The following SPPL2C variants were observed in gnomAD, a reference collection of about 807,000 sequenced individuals.
The protein encoded by SPPL2C is signal peptide peptidase-like 2C.
Under a neutral mutation model 38.8 loss-of-function variants are expected in SPPL2C, and 33 were observed. The observed-to-expected ratio is 0.85, with a 90% CI of 0.64 to 1.14. The LOEUF is 1.14. SPPL2C is among the 50% of genes most tolerant of loss of function. The probability of loss-of-function intolerance (pLI) is 0.00; values close to 1 mark genes in which losing one functional copy is unlikely to be tolerated. For missense variants in SPPL2C, 899 were observed against 904.4 expected, an observed-to-expected ratio of 0.99 and a Z score of 0.08; for synonymous variants, 384 against 390.7, an observed-to-expected ratio of 0.98 and a Z score of 0.20.
chr17:45,845,191 G>C lies in SPPL2C; in HGVS notation c.285G>C (p.Met95Ile), dbSNP rs1597745322. Residue 95 changes from methionine to isoleucine, a missense_variant, in exon 1 of 1, where the codon ATG becomes ATC. Physicochemically the swap from Met to Ile is conservative, Grantham distance 10. Coordinates refer to ENST00000329196, the MANE Select transcript of SPPL2C (RefSeq NM_175882.3). ...SQRPLRQTTA[M>I]VMRGNCSFHT... ...GGCCCCTCCGCCAGACCACTGCCAT[G>C]GTCATGAGGGGTAACTGCAGCTTCC... 1 of 1,613,618 alleles carries C rather than the reference G, an allele frequency of 6.2e-7. No individual in the cohort carries two copies. Among genetic ancestry groups the C allele is most frequent in the East Asian group, 2.2e-5 (1 of 44,848 alleles).
Position 45,845,869 on chromosome 17 carries a change from G to A in SPPL2C, c.963G>A (p.Pro321=), listed in dbSNP as rs140813443. The A allele has an allele frequency of 7.0e-5, 112 of 1,605,430 alleles. No homozygotes were observed. Among genetic ancestry groups the A allele is most frequent in the African/African-American group, 3.6e-4 (27 of 75,046 alleles). ...RPPHSLWASL[P]LPLLLLASLC... The stretch of plus-strand genomic sequence containing the variant: ...CGCACAGCCTCTGGGCCTCTCTGCC[G>A]CTGCCTCTGCTGCTGCTGGCGAGCC... Residue 321 remains proline, a synonymous_variant, in exon 1 of 1, where the codon CCG becomes CCA. Coordinates refer to ENST00000329196, the MANE Select transcript of SPPL2C (RefSeq NM_175882.3).
chr17:45,845,045 A>C lies in SPPL2C; in HGVS notation c.139A>C (p.Ile47Leu). 1 of 1,613,970 alleles carries C rather than the reference A, an allele frequency of 6.2e-7. No homozygotes were observed. Among genetic ancestry groups the C allele is most frequent in the Non-Finnish European group, 8.5e-7 (1 of 1,179,958 alleles). ...DYCILFSSDY[I>L]TLPRDLHHAP... ...CTGTATCCTGTTCAGCTCCGACTACATCACCCTCCCCCGGGACCTGCACCA... is the reference window on the plus strand; with the variant it reads ...CTGTATCCTGTTCAGCTCCGACTACCTCACCCTCCCCCGGGACCTGCACCA... Residue 47 changes from isoleucine (I) to leucine (L), a missense_variant, in exon 1 of 1, where the codon ATC (isoleucine) becomes CTC (leucine). By Grantham distance (5) the Ile-to-Leu change is conservative (BLOSUM62 2). Coordinates refer to ENST00000329196, the MANE Select transcript of SPPL2C (RefSeq NM_175882.3).
rs1303662594 is a variant in SPPL2C, at chr17:45,846,909, A to G, written c.2003A>G (p.Lys668Arg). Residue 668 changes from lysine to arginine, a missense_variant, in exon 1 of 1, where the codon AAG (lysine) becomes AGG (arginine). Physicochemically the swap from Lys to Arg is conservative, Grantham distance 26 (BLOSUM62 2). Coordinates refer to ENST00000329196, the MANE Select transcript of SPPL2C (RefSeq NM_175882.3). ...GGCCTGCCCTGGGCGGGACTCCACA[A>G]GAGGAAGGGTTTGAAAGTAAGAAAG... ...ETGLPWAGLH[K>R]RKGLKVRKSM... The G allele has an allele frequency of 6.3e-7, 1 of 1,593,964 alleles. No individual in the cohort carries two copies. Among genetic ancestry groups the G allele is most frequent in the South Asian group, 1.1e-5 (1 of 90,360 alleles).
rs200455227 is a variant in SPPL2C, at chr17:45,846,877, C to T, written c.1971C>T (p.His657=). 32 of 1,610,954 alleles carry T rather than the reference C, an allele frequency of 2.0e-5. No homozygotes were observed. The highest frequency in any genetic ancestry group is 5.0e-5 in the Admixed American group (3 of 59,956). The change falls in exon 1 of 1, where the codon CAC becomes CAT. Residue 657 remains histidine, a synonymous_variant. Coordinates refer to ENST00000329196, the MANE Select transcript of SPPL2C (RefSeq NM_175882.3). ...ATGTCCATGCCCAGGCCCAGGCCCA[C>T]GAGACTGGCCTGCCCTGGGCGGGAC... The part of the protein sequence containing the change: ...LGHVHAQAQA[H]ETGLPWAGLH...
chr17:45,846,954 C>G lies in SPPL2C; in HGVS notation c.2048C>G (p.Pro683Arg), dbSNP rs887550579. The change falls in exon 1 of 1, where the codon CCC (proline) becomes CGC (arginine). Residue 683 changes from proline to arginine, a missense_variant. Physicochemically the swap from Pro to Arg is moderately radical, Grantham distance 103. Transcript: ENST00000329196. ...KVRKSMSTQA[P>R]L ...AGAAAGAGCATGTCGACCCAGGCTC[C>G]CTTGTGAACTGGAGGCACTGGGACA... The G allele has an allele frequency of 6.4e-7, 1 of 1,560,240 alleles. No homozygotes were observed. The highest frequency in any genetic ancestry group is 1.4e-5 in the African/African-American group (1 of 73,708).
chr17:45,845,265 T>G lies in SPPL2C; in HGVS notation c.359T>G (p.Ile120Ser). The G allele has an allele frequency of 6.2e-7, 1 of 1,613,844 alleles. No individual in the cohort carries two copies. The change falls in exon 1 of 1, where the codon ATC becomes AGC. Residue 120 changes from isoleucine to serine, a missense_variant. By Grantham distance (142) the Ile-to-Ser change is moderately radical (BLOSUM62 -2). Transcript: ENST00000329196. The stretch of plus-strand genomic sequence containing the variant: ...GGCCAAGGTGCCCACGGGCTGCTCA[T>G]CGTGAGCCGGGTCAGTGACCAACAG... ...AQGQGAHGLL[I>S]VSRVSDQQCS...
chr17:45,845,793 GCCTGTCA>G lies in SPPL2C; in HGVS notation c.890_896del (p.Leu297ProfsTer36), dbSNP rs2062537102. On this transcript the variant is annotated frameshift_variant, in exon 1 of 1. Coordinates refer to ENST00000329196, the MANE Select transcript of SPPL2C (RefSeq NM_175882.3). LOFTEE classifies it high-confidence loss of function. ...GGTGCTGGCATTGGCCTCTACAGCT[GCCTGTCA>G]CCCCTGGTGTGCCGCCTGTCCCTGC... 2 of 1,609,932 alleles carry G rather than the reference GCCTGTCA, an allele frequency of 1.2e-6. No homozygotes were observed. Among genetic ancestry groups the G allele is most frequent in the Non-Finnish European group, 1.7e-6 (2 of 1,179,968 alleles).
rs769040377 is a variant in SPPL2C at position 45,845,804 on chromosome 17, CT to C, written c.899del (p.Leu300ArgfsTer35). On this transcript the variant is annotated frameshift_variant, in exon 1 of 1. Transcript: ENST00000329196. LOFTEE classifies it high-confidence loss of function. ...TGGCCTCTACAGCTGCCTGTCACCC[CT>C]GGTGTGCCGCCTGTCCCTGCGGCAA... ...GIGLYSCLSP[L>X]VCRLSLRQYQ... The C allele has an allele frequency of 3.1e-6, 5 of 1,609,336 alleles. No individual in the cohort carries two copies. The highest frequency in any genetic ancestry group is 4.2e-6 in the Non-Finnish European group (5 of 1,179,968).
At position 45,845,223 on chromosome 17, in the gene SPPL2C, A is replaced by T; in HGVS notation, c.317A>T (p.Lys106Ile). 1 of 1,613,804 alleles carries T rather than the reference A, an allele frequency of 6.2e-7. No individual in the cohort carries two copies. Among genetic ancestry groups the T allele is most frequent in the Non-Finnish European group, 8.5e-7 (1 of 1,179,878 alleles). The change falls in exon 1 of 1, where the codon AAA becomes ATA. Residue 106 changes from lysine to isoleucine, a missense_variant. Transcript: ENST00000329196. ...AGGGGTAACTGCAGCTTCCACACGA[A>T]AGGCTGGCTGGCTCAGGGCCAAGGT... ...VMRGNCSFHT[K>I]GWLAQGQGAH... is the part of the protein sequence containing the mutation.
chr17:45,844,990 C>G lies in SPPL2C; in HGVS notation c.84C>G (p.His28Gln). ...TVAGGKYGVAHVVSENWSKDY... is the reference protein window; with the variant it reads ...TVAGGKYGVAQVVSENWSKDY... The stretch of plus-strand genomic sequence containing the variant: ...CCGGGGGAAAGTACGGCGTGGCCCA[C>G]GTGGTGTCGGAGAATTGGAGCAAGG... Residue 28 changes from histidine to glutamine, a missense_variant, in exon 1 of 1, where the codon CAC (histidine) becomes CAG (glutamine). Physicochemically the swap from His to Gln is conservative, Grantham distance 24. Transcript: ENST00000329196. 6.2e-7 allele frequency: 1 copy of G among 1,614,136 alleles called. No individual in the cohort carries two copies. Among genetic ancestry groups the G allele is most frequent in the Non-Finnish European group, 8.5e-7 (1 of 1,179,990 alleles).
In SPPL2C at chr17:45,847,007, T is replaced by C. The variant is rs756531979; in HGVS notation, c.*46T>C. On this transcript the variant is annotated 3_prime_UTR_variant, in exon 1 of 1. Transcript: ENST00000329196. The stretch of plus-strand genomic sequence containing the variant: ...CGCCTCTCAAAGGGCTGGTGGAACA[T>C]TGCAGAGCAAAGCCATGCATGGCAA... 9 of 1,499,684 alleles carry C rather than the reference T, an allele frequency of 6.0e-6. No homozygotes were observed. Among genetic ancestry groups the C allele is most frequent in the South Asian group, 5.3e-5 (4 of 76,068 alleles). 92.9% of individuals were successfully genotyped at this position (1,499,684 alleles called of 1,614,324 possible).
In SPPL2C at chr17:45,846,217, C is replaced by G. The variant is rs368399752; in HGVS notation, c.1311C>G (p.Cys437Trp). Residue 437 changes from cysteine to tryptophan, a missense_variant, in exon 1 of 1, where the codon TGC becomes TGG. Physicochemically the swap from Cys to Trp is radical, Grantham distance 215. Transcript: ENST00000329196. The part of the protein sequence containing the change: ...PRLRVSALTL[C>W]SQPFSILGFG... ...TAAGAGTCTCCGCCTTGACCCTGTG[C>G]AGCCAGCCCTTCTCCATCCTTGGCT... 2 of 1,614,202 alleles carry G rather than the reference C, an allele frequency of 1.2e-6. No individual in the cohort carries two copies. The highest frequency in any genetic ancestry group is 1.7e-6 in the Non-Finnish European group (2 of 1,180,032).
chr17:45,845,553 G>T lies in SPPL2C; in HGVS notation c.647G>T (p.Arg216Leu), dbSNP rs199509707. Residue 216 changes from arginine to leucine, a missense_variant, in exon 1 of 1, where the codon CGC becomes CTC. By Grantham distance (102) the Arg-to-Leu change is moderately radical (BLOSUM62 -2). Coordinates refer to ENST00000329196, the MANE Select transcript of SPPL2C (RefSeq NM_175882.3). ...ACCGAAGCCAACCGGCTACAGCGGC[G>T]CCGTGCCCGAAGAGGAGGGGGGTCT... is the stretch of plus-strand genomic sequence containing the variant. ...GLTEANRLQR[R>L]RARRGGGSGG... The T allele has an allele frequency of 1.2e-6, 2 of 1,601,484 alleles. No homozygotes were observed. The highest frequency in any genetic ancestry group is 1.7e-5 in the Admixed American group (1 of 59,806).
chr17:45,846,311 C>T lies in SPPL2C; in HGVS notation c.1405C>T (p.Arg469Cys), dbSNP rs377555062. 1.2e-6 allele frequency: 2 copies of T among 1,614,098 alleles called. No homozygotes were observed. The highest frequency in any genetic ancestry group is 1.7e-6 in the Non-Finnish European group (2 of 1,180,020). ...CCGCTTTGATGTGCAAGTCTGCTCCCGTCAGATCTACTTCGTGGCCTGCAC... is the reference window on the plus strand; with the variant it reads ...CCGCTTTGATGTGCAAGTCTGCTCCTGTCAGATCTACTTCGTGGCCTGCAC... ...CCRFDVQVCS[R>C]QIYFVACTVA... The change falls in exon 1 of 1, where the codon CGT becomes TGT. Residue 469 changes from arginine to cysteine, a missense_variant. Physicochemically the swap from Arg to Cys is radical, Grantham distance 180. Transcript: ENST00000329196.
Position 45,845,755 on chromosome 17 carries a change from G to A in SPPL2C, c.849G>A (p.Gly283=). 6.2e-7 allele frequency: 1 copy of A among 1,612,716 alleles called. No homozygotes were observed. The highest frequency in any genetic ancestry group is 2.2e-5 in the East Asian group (1 of 44,884). ...FYDHFVYVTI[G]IFGLGAGIGL... Reference sequence around the variant, plus strand: ...ACCACTTTGTCTATGTCACCATTGGGATCTTTGGCCTGGGTGCTGGCATTG... The same window carrying A: ...ACCACTTTGTCTATGTCACCATTGGAATCTTTGGCCTGGGTGCTGGCATTG... Residue 283 remains glycine (G), a synonymous_variant, in exon 1 of 1, where the codon GGG becomes GGA. Coordinates refer to ENST00000329196, the MANE Select transcript of SPPL2C (RefSeq NM_175882.3).
Position 45,845,795 on chromosome 17 carries a change from C to T in SPPL2C, c.889C>T (p.Leu297=). 6.2e-7 allele frequency: 1 copy of T among 1,609,804 alleles called. No homozygotes were observed. The highest frequency in any genetic ancestry group is 1.1e-5 in the South Asian group (1 of 91,082). The change falls in exon 1 of 1, where the codon CTG becomes TTG. Residue 297 remains leucine, a synonymous_variant. Coordinates refer to ENST00000329196, the MANE Select transcript of SPPL2C (RefSeq NM_175882.3). The stretch of plus-strand genomic sequence containing the variant: ...TGCTGGCATTGGCCTCTACAGCTGC[C>T]TGTCACCCCTGGTGTGCCGCCTGTC... ...LGAGIGLYSC[L]SPLVCRLSLR...
In SPPL2C at chr17:45,846,833, C is replaced by T. The variant is rs765947454; in HGVS notation, c.1927C>T (p.Pro643Ser). ...MLIPLMPLMP[P>S]PSELGHVHAQ... is the part of the protein sequence containing the mutation. ...GATCCCACTCATGCCCCTGATGCCC[C>T]CGCCCTCAGAGCTGGGCCATGTCCA... The change falls in exon 1 of 1, where the codon CCG becomes TCG. Residue 643 changes from proline (P) to serine (S), a missense_variant. By Grantham distance (74) the Pro-to-Ser change is moderately conservative. Coordinates refer to ENST00000329196, the MANE Select transcript of SPPL2C (RefSeq NM_175882.3). 1.9e-6 allele frequency: 3 copies of T among 1,613,980 alleles called. No homozygotes were observed. In the South Asian group the frequency reaches 3.3e-5, roughly 18 times the overall value.
Position 45,845,047 on chromosome 17 carries a change from C to T in SPPL2C, c.141C>T (p.Ile47=), listed in dbSNP as rs1207957030. 6.2e-7 allele frequency: 1 copy of T among 1,614,142 alleles called. No homozygotes were observed. Among genetic ancestry groups the T allele is most frequent in the Non-Finnish European group, 8.5e-7 (1 of 1,179,996 alleles). Residue 47 remains isoleucine, a synonymous_variant, in exon 1 of 1, where the codon ATC becomes ATT. Transcript: ENST00000329196. ...DYCILFSSDY[I]TLPRDLHHAP... Reference sequence around the variant, plus strand: ...GTATCCTGTTCAGCTCCGACTACATCACCCTCCCCCGGGACCTGCACCACG... The same window carrying T: ...GTATCCTGTTCAGCTCCGACTACATTACCCTCCCCCGGGACCTGCACCACG...
At position 45,846,874 on chromosome 17, in the gene SPPL2C, C is replaced by T. The variant is rs1308679669; in HGVS notation, c.1968C>T (p.Ala656=). Residue 656 remains alanine, a synonymous_variant, in exon 1 of 1, where the codon GCC becomes GCT. Transcript: ENST00000329196. ...GCCATGTCCATGCCCAGGCCCAGGCCCACGAGACTGGCCTGCCCTGGGCGG... is the reference window on the plus strand; with the variant it reads ...GCCATGTCCATGCCCAGGCCCAGGCTCACGAGACTGGCCTGCCCTGGGCGG... ...ELGHVHAQAQ[A]HETGLPWAGL... 4 of 1,611,822 alleles carry T rather than the reference C, an allele frequency of 2.5e-6. No homozygotes were observed. Among genetic ancestry groups the T allele is most frequent in the East Asian group, 2.2e-5 (1 of 44,804 alleles).
Sources: allele counts gnomAD v4.1 joint callset, GRCh38; gene constraint gnomAD v4.1.1; transcripts MANE v1.5; gene names NCBI Gene and HGNC (gene_info 2026-07-23, HGNC 2026-07-21).